The following NCAM1 variants were observed in gnomAD, a reference collection of about 807,000 sequenced individuals.
The protein encoded by NCAM1 is antigen recognized by monoclonal antibody 5.1H11.
In NCAM1, 14 loss-of-function variants were observed where a neutral mutation model predicts 109.8. That is an observed-to-expected ratio of 0.13 (90% CI 0.08 to 0.20). The LOEUF (loss-of-function observed/expected upper bound fraction) is 0.20, where lower values mean the gene tolerates loss of function less well. Among genes scored for constraint, NCAM1 ranks in the 10% least tolerant of loss-of-function variants. The pLI is 1.00. For synonymous variants in NCAM1, 418 were observed against 442.9 expected (o/e 0.94, Z 0.70); for missense variants, 774 against 1,109.9 (o/e 0.70, Z 4.30).
intron 1 of NCAM1, among the ~76,000 whole-genome samples, chr11:113,008,997 G>A (rs1565379274): frequency 6.6e-6 from 1 of 152,160 alleles, no homozygotes; most frequent in South Asian, 2.1e-4. Flanking sequence ...CTCCCATGGG[G>A]GCCTCAGGGG....
chr11:113,168,288 T>C (rs981227808), intron 1 of NCAM1, among the ~76,000 whole-genome samples: 1 of 152,182 alleles, frequency 6.6e-6, no homozygotes, highest in Admixed American at 6.5e-5. Context: ...TTTTTGTTTG[T>C]TTGTTTTGTT....
chr11:113,075,974 G>GA (rs1270984865), intron 1 of NCAM1, among the ~76,000 whole-genome samples: 43 of 149,876 alleles, frequency 2.9e-4, no homozygotes, highest in Non-Finnish European at 4.3e-4. Context: ...AGCTAAAATG[G>GA]AAAAAAAAAG....
chr11:112,982,448 T>TG (rs1951178212), intron 1 of NCAM1, among the ~76,000 whole-genome samples: 1 of 151,896 alleles, frequency 6.6e-6, no homozygotes, highest in African/African-American at 2.4e-5. Context: ...GGGAATGACT[T>TG]GATGGGAGCA....
chr11:113,133,431 T>G (rs1941483829), intron 1 of NCAM1: 2 of 152,214 alleles, frequency 1.3e-5, no homozygotes, highest in South Asian at 4.1e-4. Flanking sequence ...TTCATCTGTT[T>G]CACATCGCAA....
intron 1 of NCAM1, among the ~76,000 whole-genome samples, chr11:112,968,583 C>T (rs1170441276): frequency 6.6e-6 from 1 of 152,182 alleles, no homozygotes; most frequent in Non-Finnish European, 1.5e-5. Context: ...GCTGGGAATA[C>T]AGCGGTGAAC....
intron 1 of NCAM1, among the ~76,000 whole-genome samples, chr11:113,192,298 A>G (rs898109648): frequency 4.6e-5 from 7 of 152,216 alleles, no homozygotes; most frequent in Non-Finnish European, 7.3e-5. Context: ...TGCTTTGTTT[A>G]TCTGGAGAAG....
At chr11:112,968,991 C>G (rs1555066256) in intron 1 of NCAM1, among the ~76,000 whole-genome samples, 1 of 152,096 alleles carries the variant, frequency 6.6e-6, no homozygotes. Context: ...TTAGAGCTTA[C>G]CACCTGGAAG....
chr11:113,207,786 AT>A, intron 6 of NCAM1, 46 bp from the exon 7 acceptor site: 1 of 1,546,350 alleles, frequency 6.5e-7, no homozygotes, highest in Non-Finnish European at 8.8e-7. Context: ...TAAACGTCTT[AT>A]TTCTGTGGTC....
At position 113,205,680 on chromosome 11, in the gene NCAM1, T is replaced by C; in HGVS notation, c.490+14T>C. 1 of 1,610,754 alleles carries C rather than the reference T, an allele frequency of 6.2e-7. No homozygotes were observed. Among genetic ancestry groups the C allele is most frequent in the Middle Eastern group, 1.7e-4 (1 of 6,046 alleles). On this transcript the variant is annotated intron_variant, in intron 4 of 19. Transcript: ENST00000316851. Reference sequence around the variant, plus strand: ...TGAAAAAAGATGGTGAGACCTGAATTTCCTGGCATCTGCCTTTTCCCCAGG... The same window carrying C: ...TGAAAAAAGATGGTGAGACCTGAATCTCCTGGCATCTGCCTTTTCCCCAGG...
At chr11:113,158,206 A>G (rs1056540472) in intron 1 of NCAM1, among the ~76,000 whole-genome samples, 1 of 152,228 alleles carries the variant, frequency 6.6e-6, no homozygotes, top group Admixed American at 6.5e-5. Context: ...CCAAAAAGCA[A>G]TTCTTCACTT....
chr11:113,260,221 A>C lies in NCAM1; in HGVS notation c.2029A>C (p.Asn677His). The C allele has an allele frequency of 6.2e-7, 1 of 1,613,914 alleles. No individual in the cohort carries two copies. Among genetic ancestry groups the C allele is most frequent in the Non-Finnish European group, 8.5e-7 (1 of 1,179,862 alleles). The part of the protein sequence containing the change: ...DHVMLKSLDW[N>H]AEYEVYVVAE... ...CGTCATGCTGAAGTCCCTGGACTGG[A>C]ATGCTGAGTATGAGGTCTACGTGGT... The change falls in exon 17 of 20, where the codon AAT (asparagine) becomes CAT (histidine). Residue 677 changes from asparagine (N) to histidine (H), a missense_variant. Around this residue, in one of 4 missense-constraint regions of NCAM1, gnomAD observed 523 missense variants for 784.2 expected, o/e 0.67. Transcript: ENST00000316851.
At chr11:113,027,260 G>A (rs1366787192) in intron 1 of NCAM1, among the ~76,000 whole-genome samples, 4 of 152,212 alleles carry the variant, frequency 2.6e-5, no homozygotes, top group African/African-American at 9.7e-5. Flanking sequence ...AGAAATTTGG[G>A]ATCCTAAAGA....
chr11:113,186,009 T>C (rs1555108857), intron 1 of NCAM1, among the ~76,000 whole-genome samples: 1 of 152,202 alleles, frequency 6.6e-6, no homozygotes, highest in African/African-American at 2.4e-5. Context: ...CTGGTGTGAA[T>C]CTCAGAAAAC....
At chr11:113,198,621 G>T (rs146527572) in intron 1 of NCAM1, among the ~76,000 whole-genome samples, 18 of 152,144 alleles carry the variant, frequency 1.2e-4, no homozygotes, top group African/African-American at 4.3e-4. Flanking sequence ...GATTACAGGC[G>T]TGAGCCACTG....
At chr11:113,160,619 C>T (rs1555104190) in intron 1 of NCAM1, among the ~76,000 whole-genome samples, 3 of 152,320 alleles carry the variant, frequency 2.0e-5, no homozygotes, top group Middle Eastern at 3.4e-3. Context: ...GCCTCAAACC[C>T]ACTTGGCATT....
intron 1 of NCAM1, among the ~76,000 whole-genome samples, chr11:113,045,573 C>A (rs1340402854): frequency 6.6e-6 from 1 of 152,194 alleles, no homozygotes; most frequent in Non-Finnish European, 1.5e-5. Context: ...AGCAATAGAA[C>A]ACACAGAACA....
intron 1 of NCAM1, among the ~76,000 whole-genome samples, chr11:113,121,699 C>G (rs1426960280): frequency 1.3e-5 from 2 of 152,100 alleles, no homozygotes; most frequent in South Asian, 2.1e-4. Context: ...GGTCAGACTT[C>G]ATGAGTTTCA....
intron 1 of NCAM1, among the ~76,000 whole-genome samples, chr11:113,055,915 C>T (rs1475181977): frequency 7.0e-6 from 1 of 142,630 alleles, no homozygotes; most frequent in Non-Finnish European, 1.5e-5. Flanking sequence ...GCACTATTCA[C>T]AATAGTCAAG....
intron 1 of NCAM1, among the ~76,000 whole-genome samples, chr11:113,073,549 T>C (rs1555085649): frequency 6.6e-6 from 1 of 152,246 alleles, no homozygotes. Context: ...GCATTCGACT[T>C]ACTGGATGAT....
Sources: allele counts gnomAD v4.1 joint callset (sites outside exome capture counted in the v4.1 genomes callset), GRCh38; gene constraint gnomAD v4.1.1; regional missense constraint gnomAD v4.1.1; transcripts MANE v1.5; gene names NCBI Gene and HGNC (gene_info 2026-07-23, HGNC 2026-07-21).